Variants in RPE observed in about 807,000 individuals in gnomAD.
RPE encodes ribulose-5-phosphate-3-epimerase.
RPE carries 16 observed loss-of-function variants against 24.6 expected under a neutral mutation model. The observed-to-expected ratio is 0.65, with a 90% CI of 0.44 to 0.99. The LOEUF (loss-of-function observed/expected upper bound fraction) is 0.99, where lower values mean the gene tolerates loss of function less well. Among genes scored for constraint, RPE ranks in the 50% least tolerant of loss-of-function variants. The probability of loss-of-function intolerance (pLI) is 0.00; values close to 1 mark genes in which losing one functional copy is unlikely to be tolerated. For missense variants in RPE, 240 were observed against 294.5 expected, an observed-to-expected ratio of 0.81 and a Z score of 1.35; for synonymous variants, 93 against 98.4, an observed-to-expected ratio of 0.94 and a Z score of 0.33.
chr2:210,003,439 C>T (rs1184964805), intron 1 of RPE: 9 of 1,287,170 alleles, frequency 7.0e-6, no homozygotes, highest in Non-Finnish European at 9.1e-6. Flanking sequence ...TCTCTTCAGG[C>T]ACCCTGCTCT....
At chr2:210,013,242 C>A (rs192907349) in intron 2 of RPE, among the ~76,000 whole-genome samples, 4 of 151,584 alleles carry the variant, frequency 2.6e-5, no homozygotes, top group East Asian at 1.9e-4. Flanking sequence ...TCTGTTAAGC[C>A]AGACACTGAA....
At chr2:210,003,802 T>A (rs1052712094) in intron 1 of RPE, among the ~76,000 whole-genome samples, 2 of 152,220 alleles carry the variant, frequency 1.3e-5, no homozygotes, top group Non-Finnish European at 2.9e-5. Context: ...GATGATTTCC[T>A]TTTCTTTTTA....
intron 5 of RPE, chr2:210,017,921 T>A: frequency 1.9e-6 from 1 of 532,046 alleles, no homozygotes; most frequent in South Asian, 2.1e-5. Flanking sequence ...ATTTTTTTAT[T>A]TTTAGTAGAG....
intron 3 of RPE, 49 bp downstream of exon 3, chr2:210,016,161 A>C: frequency 6.2e-7 from 1 of 1,614,030 alleles, no homozygotes; most frequent in South Asian, 1.1e-5. Flanking sequence ...CTCAGTTGGG[A>C]AGATTTGCGG....
At chr2:210,007,065 T>C (rs2093640851) in intron 1 of RPE, among the ~76,000 whole-genome samples, 1 of 152,246 alleles carries the variant, frequency 6.6e-6, no homozygotes, top group Non-Finnish European at 1.5e-5. Context: ...ATAGTGCCTA[T>C]GTTTAATTCC....
chr2:210,019,650 A>G lies in RPE; in HGVS notation c.565-19A>G. 1 of 1,610,848 alleles carries G rather than the reference A, an allele frequency of 6.2e-7. No individual in the cohort carries two copies. The highest frequency in any genetic ancestry group is 8.5e-7 in the Non-Finnish European group (1 of 1,178,166). ...TACATTTTCCTTTGAGGCATAACCT[A>G]ACTGTTTACTTCTTCCAGGCAGGAG... On this transcript the variant is annotated intron_variant, in intron 5 of 5. Coordinates refer to ENST00000359429, the MANE Select transcript of RPE (RefSeq NM_199229.3).
chr2:210,004,252 G>A (rs2093601163), intron 1 of RPE, among the ~76,000 whole-genome samples: 1 of 152,204 alleles, frequency 6.6e-6, no homozygotes, highest in Admixed American at 6.5e-5. Context: ...AATGGTTGGG[G>A]AAAGTAATTG....
In RPE at chr2:210,014,160, C is replaced by T. The variant is rs181596694; in HGVS notation, c.203-1813C>T. Among the ~76,000 whole-genome samples, 5 of 152,004 alleles carry T rather than the reference C, an allele frequency of 3.3e-5. No individual in the cohort carries two copies. The East Asian group carries it at 9.7e-4, about 30-fold the overall frequency. On this transcript the variant is annotated intron_variant, in intron 2 of 5. Transcript: ENST00000359429. The stretch of plus-strand genomic sequence containing the variant: ...AGGCTGGAGTGCAGTGGAGCGATCT[C>T]GGCTGACTGCAAGCTCCGCCTCCTG...
intron 1 of RPE, among the ~76,000 whole-genome samples, chr2:210,006,588 G>A (rs897855694): frequency 3.3e-5 from 5 of 151,956 alleles, no homozygotes; most frequent in African/African-American, 4.8e-5. Context: ...TTATTTACTC[G>A]GGAGGTGGTT....
rs1266937682 is a variant in RPE, at chr2:210,016,535, C to T, written c.371C>T (p.Ser124Leu). 11 of 1,614,190 alleles carry T rather than the reference C, an allele frequency of 6.8e-6. No individual in the cohort carries two copies. Among genetic ancestry groups the T allele is most frequent in the Non-Finnish European group, 9.3e-6 (11 of 1,180,044 alleles). ...KVGLAIKPGT[S>L]VEYLAPWANQ... Reference sequence around the variant, plus strand: ...GGCCTTGCCATCAAACCAGGAACCTCAGTTGAGTATTTGGCACCATGGGCT... The same window carrying T: ...GGCCTTGCCATCAAACCAGGAACCTTAGTTGAGTATTTGGCACCATGGGCT... The change falls in exon 4 of 6, where the codon TCA becomes TTA. Residue 124 changes from serine to leucine, a missense_variant. By Grantham distance (145) the Ser-to-Leu change is moderately radical. Transcript: ENST00000359429.
intron 2 of RPE, among the ~76,000 whole-genome samples, chr2:210,014,506 A>G (rs1255140050): frequency 2.0e-5 from 3 of 152,138 alleles, no homozygotes; most frequent in Non-Finnish European, 2.9e-5. Flanking sequence ...ATATGTTCTA[A>G]TTTAGGCCGG....
rs1174374272 is a variant in RPE at position 210,021,216 on chromosome 2, C to A, written c.*1425C>A. On this transcript the variant is annotated 3_prime_UTR_variant, in exon 6 of 6. Transcript: ENST00000359429. ...TAAATATGGCAAGAAATAAACATGA[C>A]CAATATCAATAGACTTCTTGAGGCT... 1 of 151,960 alleles carries A rather than the reference C, an allele frequency of 6.6e-6. No homozygotes were observed. Among genetic ancestry groups the A allele is most frequent in the East Asian group, 1.9e-4 (1 of 5,196 alleles). 9.4% of individuals were successfully genotyped at this position (151,960 alleles called of 1,614,324 possible). A position where few individuals can be genotyped will look rare whatever the true frequency, so the allele number is the denominator to read the frequency against.
chr2:210,010,234 T>C (rs1575304978), intron 2 of RPE, among the ~76,000 whole-genome samples: 1 of 152,214 alleles, frequency 6.6e-6, no homozygotes, highest in East Asian at 1.9e-4. Flanking sequence ...AGAAGCCATT[T>C]ATTTTGTGCA....
At chr2:210,016,219 C>G (rs77647855) in intron 3 of RPE, 107 bp downstream of exon 3, 1 of 1,613,790 alleles carries the variant, frequency 6.2e-7, no homozygotes, top group Non-Finnish European at 8.5e-7. Context: ...CTCTGTCACC[C>G]AGGCTGAAGT....
At chr2:210,014,887 CAG>C (rs1342083400) in intron 2 of RPE, among the ~76,000 whole-genome samples, 1 of 152,150 alleles carries the variant, frequency 6.6e-6, no homozygotes, top group Non-Finnish European at 1.5e-5. Flanking sequence ...GGATTCTTCA[CAG>C]TGTTATTTCT....
At position 210,021,682 on chromosome 2, in the gene RPE, C is replaced by T. The variant is rs1304169397; in HGVS notation, c.*1891C>T. On this transcript the variant is annotated 3_prime_UTR_variant, in exon 6 of 6. Coordinates refer to ENST00000359429, the MANE Select transcript of RPE (RefSeq NM_199229.3). ...AATCTCACAGATAAGGCCAAATGGC[C>T]AATATTTTCAGTTATGTGGGTAGTA... The T allele has an allele frequency of 6.6e-6, 1 of 152,204 alleles. No homozygotes were observed. Among genetic ancestry groups the T allele is most frequent in the Non-Finnish European group, 1.5e-5 (1 of 67,924 alleles). The allele number at this position is 152,204 out of a possible 1,614,324, so 9.4% of individuals were successfully genotyped here.
chr2:210,003,808 T>A (rs2093595293), intron 1 of RPE, among the ~76,000 whole-genome samples: 1 of 152,234 alleles, frequency 6.6e-6, no homozygotes, highest in African/African-American at 2.4e-5. Context: ...TTCCTTTTCT[T>A]TTTAATGTTA....
rs2093789519 is a variant in RPE at position 210,017,495 on chromosome 2, T to G, written c.500T>G (p.Phe167Cys). ...MPKVHWLRTQFPSLDIEVDGG... is the reference protein window; with the variant it reads ...MPKVHWLRTQCPSLDIEVDGG... ...TAGGTTCACTGGTTGAGGACCCAGT[T>G]CCCATCTTTGGATATAGAGGTCGAT... The change falls in exon 5 of 6, where the codon TTC becomes TGC. Residue 167 changes from phenylalanine to cysteine, a missense_variant. Physicochemically the swap from Phe to Cys is radical, Grantham distance 205. Coordinates refer to ENST00000359429, the MANE Select transcript of RPE (RefSeq NM_199229.3). 6.2e-7 allele frequency: 1 copy of G among 1,608,026 alleles called. No individual in the cohort carries two copies. Among genetic ancestry groups the G allele is most frequent in the Non-Finnish European group, 8.5e-7 (1 of 1,176,618 alleles).
At chr2:210,006,264 CTT>C (rs776800845) in intron 1 of RPE, among the ~76,000 whole-genome samples, 4 of 152,220 alleles carry the variant, frequency 2.6e-5, no homozygotes, top group Non-Finnish European at 5.9e-5. Flanking sequence ...TCCCGGTCCT[CTT>C]TGGAGTCAGT....
Sources: gnomAD v4.1 joint callset for allele counts (sites outside exome capture counted in the v4.1 genomes callset) on GRCh38, gnomAD v4.1.1 for gene constraint, MANE v1.5 for transcripts, NCBI Gene and HGNC (gene_info 2026-07-23, HGNC 2026-07-21) for gene names.